FOXP2: variants seen among roughly 807,000 people sequenced by gnomAD.
The protein encoded by FOXP2 is forkhead box P2, also known as forkhead box protein P2.
A neutral mutation model predicts 115.8 loss-of-function variants in FOXP2; 12 were observed. That is an observed-to-expected ratio of 0.10 (90% confidence interval 0.07 to 0.17). FOXP2 has a LOEUF of 0.17. Among genes scored for constraint, FOXP2 ranks in the 10% least tolerant of loss-of-function variants. FOXP2 has a pLI of 1.00. For synonymous variants in FOXP2, 328 were observed against 297.7 expected, an observed-to-expected ratio of 1.10 and a Z score of -1.05; for missense variants, 629 against 843.5, an observed-to-expected ratio of 0.75 and a Z score of 3.15.
At chr7:114,340,534 C>T (rs902911968) in intron 2 of FOXP2, among the ~76,000 whole-genome samples, 14 of 150,966 alleles carry the variant, frequency 9.3e-5, no homozygotes, top group Non-Finnish European at 1.8e-4. Flanking sequence ...TTAATTCAAA[C>T]TTGCTATTAA....
At chr7:114,640,604 T>C (rs746826881) in intron 6 of FOXP2, among the ~76,000 whole-genome samples, 7 of 152,154 alleles carry the variant, frequency 4.6e-5, no homozygotes, top group Admixed American at 6.5e-5. Flanking sequence ...TTTGCAGGGA[T>C]TGGGGTGAGA....
chr7:114,665,861 C>G (rs1807136261), intron 16 of FOXP2: 2 of 152,026 alleles, frequency 1.3e-5, no homozygotes, highest in South Asian at 4.1e-4. Flanking sequence ...CAGTGGGTAG[C>G]TTGCGGCCTT....
At chr7:114,545,547 C>T (rs571383342) in intron 3 of FOXP2, among the ~76,000 whole-genome samples, 18 of 152,216 alleles carry the variant, frequency 1.2e-4, no homozygotes, top group African/African-American at 3.1e-4. Context: ...ATATCTGCTA[C>T]GCTCAATGGG....
At chr7:114,493,629 C>A (rs192429388) in intron 2 of FOXP2, among the ~76,000 whole-genome samples, 1 of 152,078 alleles carries the variant, frequency 6.6e-6, no homozygotes. Flanking sequence ...CCCAGAAGCA[C>A]TTTATCTCAC....
At chr7:114,454,764 C>A in intron 2 of FOXP2, among the ~76,000 whole-genome samples, 1 of 131,052 alleles carries the variant, frequency 7.6e-6, no homozygotes, top group Admixed American at 7.8e-5. Context: ...TAAACTATCA[C>A]AAGAACAAAA....
At chr7:114,612,189 G>A (rs1383279378) in intron 3 of FOXP2, among the ~76,000 whole-genome samples, 3 of 151,918 alleles carry the variant, frequency 2.0e-5, no homozygotes, top group Non-Finnish European at 4.4e-5. Context: ...TTGATATCCT[G>A]GATTTGATCT....
intron 1 of FOXP2, among the ~76,000 whole-genome samples, chr7:114,203,132 T>C (rs1794114421): frequency 6.6e-6 from 1 of 152,220 alleles, no homozygotes; most frequent in Non-Finnish European, 1.5e-5. Context: ...TCATTGCCAA[T>C]TGTGTGGTCA....
At chr7:114,483,441 A>G (rs1316173552) in intron 2 of FOXP2, among the ~76,000 whole-genome samples, 1 of 151,718 alleles carries the variant, frequency 6.6e-6, no homozygotes, top group Non-Finnish European at 1.5e-5. Context: ...TATTGTGCTC[A>G]GTTCTACTTG....
intron 2 of FOXP2, among the ~76,000 whole-genome samples, chr7:114,528,951 G>A (rs995577156): frequency 6.6e-6 from 1 of 151,884 alleles, no homozygotes; most frequent in African/African-American, 2.4e-5. Context: ...AATAATTTTA[G>A]TAAAATCAGT....
chr7:114,660,870 C>T (rs926786359), intron 13 of FOXP2, among the ~76,000 whole-genome samples: 5 of 152,080 alleles, frequency 3.3e-5, no homozygotes, highest in African/African-American at 1.2e-4. Flanking sequence ...AGCTTGGTCT[C>T]ATCTCCACAG....
chr7:114,285,388 A>G (rs867634452), intron 1 of FOXP2: 17 of 152,206 alleles, frequency 1.1e-4, no homozygotes, highest in African/African-American at 3.6e-4. Flanking sequence ...GCTTATTGCT[A>G]TTTCTTCATT....
chr7:114,346,866 G>T (rs1481767600), intron 2 of FOXP2, among the ~76,000 whole-genome samples: 1 of 151,714 alleles, frequency 6.6e-6, no homozygotes, highest in Non-Finnish European at 1.5e-5. Flanking sequence ...ACATTCTGGT[G>T]TTCTATTGTA....
At chr7:114,249,870 A>G (rs1035181930) in intron 1 of FOXP2, among the ~76,000 whole-genome samples, 3 of 151,802 alleles carry the variant, frequency 2.0e-5, no homozygotes. Context: ...ACATATGTTT[A>G]CATGTGCCAT....
At chr7:114,396,951 T>G (rs905015728) in intron 2 of FOXP2, among the ~76,000 whole-genome samples, 1 of 152,108 alleles carries the variant, frequency 6.6e-6, no homozygotes, top group African/African-American at 2.4e-5. Context: ...ATGGTAAATA[T>G]ATGAAATTAC....
intron 3 of FOXP2, among the ~76,000 whole-genome samples, chr7:114,581,690 C>G (rs1801877251): frequency 6.6e-6 from 1 of 152,178 alleles, no homozygotes; most frequent in African/African-American, 2.4e-5. Flanking sequence ...TGGACAAATA[C>G]ATGATGACAT....
intron 3 of FOXP2, among the ~76,000 whole-genome samples, chr7:114,616,710 A>G (rs1803970134): frequency 6.6e-6 from 1 of 152,112 alleles, no homozygotes; most frequent in Non-Finnish European, 1.5e-5. Flanking sequence ...CACCTACACT[A>G]TGACTTTAAC....
chr7:114,318,666 A>G (rs1797334667), intron 2 of FOXP2, among the ~76,000 whole-genome samples: 2 of 151,252 alleles, frequency 1.3e-5, no homozygotes, highest in Non-Finnish European at 2.9e-5. Flanking sequence ...TCATCACCAT[A>G]TTTTTTCCAA....
intron 2 of FOXP2, among the ~76,000 whole-genome samples, chr7:114,302,206 G>A (rs1796894571): frequency 6.6e-6 from 1 of 152,020 alleles, no homozygotes; most frequent in South Asian, 2.1e-4. Context: ...GAATCTCCAG[G>A]TTATAACAGT....
At chr7:114,611,255 T>C (rs755591932) in intron 3 of FOXP2, among the ~76,000 whole-genome samples, 5 of 152,244 alleles carry the variant, frequency 3.3e-5, no homozygotes, top group Non-Finnish European at 5.9e-5. Context: ...GCCACTTATG[T>C]GAACACATTT....
Sources: allele counts gnomAD v4.1 joint callset (sites outside exome capture counted in the v4.1 genomes callset), GRCh38; gene constraint gnomAD v4.1.1; transcripts MANE v1.5; gene names NCBI Gene and HGNC (gene_info 2026-07-23, HGNC 2026-07-21).